Variants in PLCH2 observed in about 807,000 individuals in gnomAD.
PLCH2 encodes the protein phospholipase C eta 2.
A neutral mutation model predicts 134.7 loss-of-function variants in PLCH2; 98 were observed. That is an observed-to-expected ratio of 0.73 (90% CI 0.62 to 0.86). The LOEUF is 0.86. PLCH2 is among the 40% of genes least tolerant of loss of function. The pLI is 0.00. For missense variants in PLCH2, 1,994 were observed against 1,986.6 expected (o/e 1.00, Z -0.07); for synonymous variants, 974 against 827.5 (o/e 1.18, Z -3.04).
At chr1:2,495,415 C>A (rs1642828581) in intron 12 of PLCH2, 73 bp from the exon 13 acceptor site, 2 of 1,326,452 alleles carry the variant, frequency 1.5e-6, no homozygotes, top group Non-Finnish European at 2.1e-6. Flanking sequence ...AGGCCCTCCC[C>A]AACCCCCCAG....
chr1:2,489,784 A>T lies in PLCH2; in HGVS notation c.1432A>T (p.Ser478Cys), dbSNP rs1235277885. 6.2e-7 allele frequency: 1 copy of T among 1,613,642 alleles called. No homozygotes were observed. Among genetic ancestry groups the T allele is most frequent in the Non-Finnish European group, 8.5e-7 (1 of 1,179,754 alleles). Residue 478 changes from serine to cysteine, a missense_variant, in exon 10 of 22, where the codon AGC (serine) becomes TGC (cysteine). Coordinates refer to ENST00000378486, the MANE Select transcript of PLCH2 (RefSeq NM_014638.4). ...GGGGAAGAAGCTCCCAGCCAACATCAGCGAGGATGCGGAGGAAGGCGAGGT... is the reference window on the plus strand; with the variant it reads ...GGGGAAGAAGCTCCCAGCCAACATCTGCGAGGATGCGGAGGAAGGCGAGGT... The part of the protein sequence containing the change: ...VKGKKLPANI[S>C]EDAEEGEVSD...
chr1:2,499,506 GGAGGCA>G (rs1461787307), intron 19 of PLCH2, 129 bp from the exon 20 acceptor site: 3 of 740,088 alleles, frequency 4.1e-6, no homozygotes, highest in Non-Finnish European at 6.9e-6. Flanking sequence ...TGGGCCCACA[GGAGGCA>G]GAGGCCCCAG....
At chr1:2,488,777 G>A (rs1276300795) in intron 8 of PLCH2, among the ~76,000 whole-genome samples, 2 of 152,170 alleles carry the variant, frequency 1.3e-5, no homozygotes, top group South Asian at 2.1e-4. Context: ...AGGACCCCAG[G>A]GCCATTCAGA....
At chr1:2,474,999 G>A (rs763260236), upstream of PLCH2, among the ~76,000 whole-genome samples, 29 of 152,164 alleles carry the variant, frequency 1.9e-4, no homozygotes, top group Non-Finnish European at 3.7e-4. Context: ...CTAATTCCAC[G>A]GCAGAGCCCA....
intron 13 of PLCH2, 83 bp from the exon 14 acceptor site, chr1:2,496,524 C>T (rs562669122): frequency 3.1e-5 from 35 of 1,146,782 alleles, no homozygotes; most frequent in South Asian, 1.2e-4. Context: ...TGAGGCTGCC[C>T]GAGCCCTGGA....
At chr1:2,502,489 T>G (rs1468206551) in intron 21 of PLCH2, 80 bp downstream of exon 21, 1 of 1,362,326 alleles carries the variant, frequency 7.3e-7, no homozygotes, top group South Asian at 1.2e-5. Context: ...CCGGGCCTGC[T>G]GGGATGGCCG....
upstream of PLCH2, among the ~76,000 whole-genome samples, chr1:2,471,531 C>T (rs1031979852): frequency 5.9e-5 from 9 of 152,350 alleles, no homozygotes; most frequent in East Asian, 7.7e-4. Context: ...CCCTCCACAC[C>T]GGGTGGCCGG....
chr1:2,464,669 G>C (rs992471228), upstream of PLCH2, among the ~76,000 whole-genome samples: 10 of 152,224 alleles, frequency 6.6e-5, no homozygotes, highest in Admixed American at 3.3e-4. Context: ...GGAAGCCGGG[G>C]CCTGGGCTCT....
Position 2,439,418 on chromosome 1 carries a change from C to T in PLCH2, c.115+8789C>T, listed in dbSNP as rs569007422. ...TGGGCCCTGTTCATGGGAAGCCAAG[C>T]CAGGGGCAGCTGATCCCATCCCACC... On this transcript the variant is annotated intron_variant, in intron 2 of 3. Coordinates refer to the PLCH2 transcript ENST00000609981. The surrounding 1 kb of genome is among the most constrained non-coding windows in gnomAD (Gnocchi z 4.7). 1.1e-3 allele frequency among the ~76,000 whole-genome samples: 168 copies of T among 152,230 alleles called. 1 individual carries two copies. The highest frequency in any genetic ancestry group is 2.0e-3 in the Non-Finnish European group (139 of 68,016).
chr1:2,490,601 G>A (rs1642522009), intron 10 of PLCH2, among the ~76,000 whole-genome samples: 2 of 152,170 alleles, frequency 1.3e-5, no homozygotes, highest in African/African-American at 2.4e-5. Flanking sequence ...CTGGCCACGC[G>A]GCCAACCATT....
Position 2,479,729 on chromosome 1 carries a change from C to G in PLCH2, c.272-5C>G. The G allele has an allele frequency of 4.6e-6, 7 of 1,534,472 alleles. No homozygotes were observed. The highest frequency in any genetic ancestry group is 6.2e-6 in the Non-Finnish European group (7 of 1,134,416). ...CCTGACCCGTGCTCCCTCCCCACCCCGCAGTCTCCATCGACTCCATCCAGG... is the reference window on the plus strand; with the variant it reads ...CCTGACCCGTGCTCCCTCCCCACCCGGCAGTCTCCATCGACTCCATCCAGG... On this transcript the variant is annotated splice_polypyrimidine_tract_variant and splice_region_variant and intron_variant, in intron 2 of 21. Coordinates refer to ENST00000378486, the MANE Select transcript of PLCH2 (RefSeq NM_014638.4).
At chr1:2,429,868 G>T (rs1004068220) in intron 1 of PLCH2, among the ~76,000 whole-genome samples, 4 of 152,280 alleles carry the variant, frequency 2.6e-5, no homozygotes, top group African/African-American at 9.6e-5. Flanking sequence ...CAGCAGGAGG[G>T]GCTGGGGGGG....
upstream of PLCH2, among the ~76,000 whole-genome samples, chr1:2,464,095 C>T (rs1057325876): frequency 6.6e-6 from 1 of 152,216 alleles, no homozygotes; most frequent in Non-Finnish European, 1.5e-5. Context: ...CGGGTGTGAC[C>T]AGGGCACTGG....
chr1:2,487,145 A>G (rs1313131237), intron 6 of PLCH2, 28 bp from the exon 7 acceptor site: 1 of 1,541,556 alleles, frequency 6.5e-7, no homozygotes, highest in Non-Finnish European at 8.7e-7. Flanking sequence ...GTGGGCTGAC[A>G]TGGCCCCTAT....
At chr1:2,455,099 C>G (rs796873221) in intron 2 of PLCH2, among the ~76,000 whole-genome samples, 39 of 152,328 alleles carry the variant, frequency 2.6e-4, no homozygotes, top group African/African-American at 8.9e-4. Context: ...TGATGCTGAG[C>G]CCCCAGCGGA....
At chr1:2,451,294 ATG>A (rs1640211510) in intron 2 of PLCH2, among the ~76,000 whole-genome samples, 2 of 152,238 alleles carry the variant, frequency 1.3e-5, no homozygotes, top group African/African-American at 4.8e-5. Flanking sequence ...GGGGCCAGAG[ATG>A]TGTGTGCCTC....
At chr1:2,430,401 G>C (rs1354201836) in exon 2 of PLCH2, 1 of 152,418 alleles carries the variant, frequency 6.6e-6, no homozygotes, top group Non-Finnish European at 1.5e-5. Flanking sequence ...CCCGGGAGCA[G>C]AGAGACCTCA....
chr1:2,493,005 C>A (rs1462328140), intron 11 of PLCH2: 2 of 152,200 alleles, frequency 1.3e-5, no homozygotes, highest in African/African-American at 2.4e-5. Context: ...TCCCTGAGCA[C>A]CCCCTCGGGG....
At chr1:2,485,729 G>A (rs1028559796) in intron 5 of PLCH2, among the ~76,000 whole-genome samples, 4 of 152,104 alleles carry the variant, frequency 2.6e-5, no homozygotes, top group Admixed American at 1.3e-4. Context: ...CCTGCGCTGC[G>A]TCAGCCTCTC....
Sources: allele counts gnomAD v4.1 joint callset (sites outside exome capture counted in the v4.1 genomes callset), GRCh38; gene constraint gnomAD v4.1.1; non-coding constraint Gnocchi (gnomAD v3.1); transcripts MANE v1.5; gene names NCBI Gene and HGNC (gene_info 2026-07-23, HGNC 2026-07-21).